The following RFT1 variants were observed in gnomAD, a reference collection of about 807,000 sequenced individuals.
RFT1 encodes man(5)GlcNAc(2)-PP-dolichol translocation protein RFT1.
In RFT1, 43 loss-of-function variants were observed where a neutral mutation model predicts 62.2. The ratio of observed to expected loss-of-function variants is 0.69; its 90% CI spans 0.54 to 0.89. RFT1 has a LOEUF of 0.89. Ranked by LOEUF, RFT1 falls within the 40% of genes least tolerant of loss-of-function variation. RFT1 has a pLI of 0.00. For missense variants in RFT1, 605 were observed against 649.9 expected (o/e 0.93, Z 0.75); for synonymous variants, 262 against 264.6 (o/e 0.99, Z 0.10).
At chr3:53,073,088 C>T in the RFT1 span, among the ~76,000 whole-genome samples, 1 of 152,214 alleles carries the variant, frequency 6.6e-6, no homozygotes, top group African/African-American at 2.4e-5. Context: ...TGGTCCTGGG[C>T]TGTGCCACAG....
At position 53,118,042 on chromosome 3, in the gene RFT1, A is replaced by G. The variant is rs577431153; in HGVS notation, c.696+1842T>C. ...GTAGCTGGGACTACAGGTGCACACCACTATACCCAGCTAATTAAAAAAATT... is the reference window on the plus strand; with the variant it reads ...GTAGCTGGGACTACAGGTGCACACCGCTATACCCAGCTAATTAAAAAAATT... On this transcript the variant is annotated intron_variant, in intron 6 of 12. Transcript: ENST00000296292. Among the ~76,000 whole-genome samples the G allele has an allele frequency of 3.5e-3, 531 of 152,322 alleles. 5 individuals are homozygous for G. Among genetic ancestry groups the G allele is most frequent in the African/African-American group, 0.012 (515 of 41,576 alleles).
intron 1 of RFT1, among the ~76,000 whole-genome samples, chr3:53,129,349 C>T (rs531696398): frequency 6.6e-6 from 1 of 152,268 alleles, no homozygotes; most frequent in South Asian, 2.1e-4. Flanking sequence ...TGTGAGGTTG[C>T]ACTATGATTC....
At chr3:53,101,824 G>A (rs1701323357) in intron 10 of RFT1, among the ~76,000 whole-genome samples, 1 of 152,162 alleles carries the variant, frequency 6.6e-6, no homozygotes, top group African/African-American at 2.4e-5. Context: ...GATCATCTGA[G>A]GTCAGGAGTT....
At chr3:53,112,785 C>G (rs1465494543) in intron 6 of RFT1, among the ~76,000 whole-genome samples, 2 of 152,084 alleles carry the variant, frequency 1.3e-5, no homozygotes, top group Non-Finnish European at 2.9e-5. Context: ...CACCAAATGG[C>G]CCATTTCCTA....
intron 10 of RFT1, among the ~76,000 whole-genome samples, chr3:53,100,552 G>A (rs554229496): frequency 4.6e-5 from 7 of 152,228 alleles, no homozygotes; most frequent in African/African-American, 1.4e-4. Context: ...TAAACAAAAC[G>A]TGGGCCATCC....
chr3:53,122,610 A>C, intron 3 of RFT1, 47 bp from the exon 4 acceptor site: 1 of 1,241,670 alleles, frequency 8.1e-7, no homozygotes, highest in Non-Finnish European at 1.1e-6. Flanking sequence ...AAATAAATAT[A>C]AATATATATT....
At chr3:53,069,050 C>T in the RFT1 span, among the ~76,000 whole-genome samples, 1 of 152,250 alleles carries the variant, frequency 6.6e-6, no homozygotes, top group Non-Finnish European at 1.5e-5. Flanking sequence ...TGCGATTCTC[C>T]TGCCTCAGCT....
chr3:53,123,934 T>G, intron 2 of RFT1, 94 bp from the exon 3 acceptor site: 1 of 1,027,498 alleles, frequency 9.7e-7, no homozygotes, highest in Non-Finnish European at 1.5e-6. Context: ...GATAAAGTCT[T>G]GGTCATAAAC....
intron 1 of RFT1, among the ~76,000 whole-genome samples, chr3:53,129,638 C>T (rs1702202529): frequency 6.6e-6 from 1 of 152,234 alleles, no homozygotes; most frequent in Middle Eastern, 3.4e-3. Context: ...ACTAACTGGC[C>T]TGTATCATAC....
At chr3:53,119,780 A>G in intron 6 of RFT1, 104 bp downstream of exon 6, 1 of 1,116,990 alleles carries the variant, frequency 9.0e-7, no homozygotes, top group African/African-American at 1.6e-5. Flanking sequence ...TGAGCTATAA[A>G]ATTCTATTTA....
chr3:53,073,186 G>A, the RFT1 span, among the ~76,000 whole-genome samples: 1 of 152,244 alleles, frequency 6.6e-6, no homozygotes, highest in African/African-American at 2.4e-5. Context: ...CAGAGAGAGA[G>A]CCTGGTGGGG....
chr3:53,122,918 T>C (rs1038781060), intron 3 of RFT1, among the ~76,000 whole-genome samples: 15 of 152,306 alleles, frequency 9.8e-5, no homozygotes, highest in African/African-American at 3.6e-4. Context: ...ATAAGCAAAA[T>C]TCCCAGAAAG....
Position 53,104,104 on chromosome 3 carries a change from C to G in RFT1, c.958-7G>C, listed in dbSNP as rs997959901. On this transcript the variant is annotated splice_region_variant and splice_polypyrimidine_tract_variant and intron_variant, in intron 9 of 12. Coordinates refer to ENST00000296292, the MANE Select transcript of RFT1 (RefSeq NM_052859.4). ...CAGCCACAGCAACGTCCTCCTGGGG[C>G]CAGGGAAGAGGGAAGGAAGTTGGAT... 4.3e-6 allele frequency: 7 copies of G among 1,614,042 alleles called. No individual in the cohort carries two copies. In the Middle Eastern group the frequency reaches 8.3e-4, roughly 190 times the overall value.
At chr3:53,107,801 A>ACAGTGC (rs1355904313) in intron 7 of RFT1, among the ~76,000 whole-genome samples, 4 of 152,152 alleles carry the variant, frequency 2.6e-5, no homozygotes, top group African/African-American at 9.7e-5. Context: ...GGAGCACTAA[A>ACAGTGC]CAGTGCCCAC....
chr3:53,107,072 A>G (rs1353767022), intron 7 of RFT1, among the ~76,000 whole-genome samples: 16 of 152,170 alleles, frequency 1.1e-4, no homozygotes. Context: ...CTTTATTGAC[A>G]GCAAATCTCC....
the RFT1 span, among the ~76,000 whole-genome samples, chr3:53,073,719 T>G: frequency 1.3e-5 from 2 of 152,080 alleles, no homozygotes; most frequent in African/African-American, 4.8e-5. Flanking sequence ...GCACCTGGGG[T>G]AAGAGGTGGC....
At chr3:53,085,939 A>G (rs1700844481), downstream of RFT1, 2 of 152,242 alleles carry the variant, frequency 1.3e-5, no homozygotes, top group South Asian at 2.1e-4. Context: ...CATCTTCCCA[A>G]TTGTGCTCTG....
Position 53,122,565 on chromosome 3 carries a change from TAGAAG to T in RFT1, c.267-7_267-3del, listed in dbSNP as rs769935937. On this transcript the variant is annotated splice_region_variant and splice_polypyrimidine_tract_variant and intron_variant, in intron 3 of 12. Coordinates refer to ENST00000296292, the MANE Select transcript of RFT1 (RefSeq NM_052859.4). ...GACCAAAACACACCCAGGGGGACTC[TAGAAG>T]AGGAGAAAAAAATAATTCACTAAAT... 1.9e-6 allele frequency: 3 copies of T among 1,565,548 alleles called. No homozygotes were observed. The African/African-American group carries it at 4.1e-5, about 21-fold the overall frequency.
chr3:53,088,217 C>T (rs908158217), downstream of RFT1, among the ~76,000 whole-genome samples: 2 of 152,118 alleles, frequency 1.3e-5, no homozygotes, highest in East Asian at 1.9e-4. Flanking sequence ...CCGCAAACAA[C>T]GGGAAATACA....
Sources: gnomAD v4.1 joint callset for allele counts (sites outside exome capture counted in the v4.1 genomes callset) on GRCh38, gnomAD v4.1.1 for gene constraint, MANE v1.5 for transcripts, NCBI Gene and HGNC (gene_info 2026-07-23, HGNC 2026-07-21) for gene names.